STRN3: variants seen among roughly 807,000 people sequenced by gnomAD.
STRN3 encodes striatin-3.
Under a neutral mutation model 95.6 loss-of-function variants are expected in STRN3, and 29 were observed. The observed-to-expected ratio is 0.30, with a 90% CI of 0.23 to 0.41. The LOEUF is 0.41. Among genes scored for constraint, STRN3 ranks in the 10% least tolerant of loss-of-function variants. STRN3 has a pLI of 1.00. For missense variants in STRN3, 890 were observed against 972.1 expected, an observed-to-expected ratio of 0.92 and a Z score of 1.12; for synonymous variants, 331 against 357.6, an observed-to-expected ratio of 0.93 and a Z score of 0.84.
intron 1 of STRN3, among the ~76,000 whole-genome samples, chr14:31,012,079 C>G (rs930192991): frequency 6.6e-6 from 1 of 152,094 alleles, no homozygotes; most frequent in Non-Finnish European, 1.5e-5. Flanking sequence ...GAGACTCTGT[C>G]TCAAAAAAAA....
chr14:30,932,297 C>T (rs1878580637), intron 7 of STRN3: 1 of 152,012 alleles, frequency 6.6e-6, no homozygotes, highest in African/African-American at 2.4e-5. Context: ...CTGAAAGCTA[C>T]CACTTTCCTA....
intron 1 of STRN3, among the ~76,000 whole-genome samples, chr14:30,975,836 TAAAAAAA>T (rs528570710): frequency 1.8e-5 from 2 of 113,124 alleles, no homozygotes; most frequent in African/African-American, 3.4e-5. Context: ...CCTGGCTCTT[TAAAAAAA>T]AAAAAAAAAA....
In STRN3 at chr14:30,911,796, A is replaced by T; in HGVS notation, c.1579T>A (p.Tyr527Asn). The T allele has an allele frequency of 6.2e-7, 1 of 1,609,322 alleles. No homozygotes were observed. Among genetic ancestry groups the T allele is most frequent in the Non-Finnish European group, 8.5e-7 (1 of 1,178,554 alleles). Residue 527 changes from tyrosine (Y) to asparagine (N), a missense_variant, in exon 12 of 18, where the codon TAC (tyrosine) becomes AAC (asparagine). By Grantham distance (143) the Tyr-to-Asn change is moderately radical (BLOSUM62 -2). Transcript: ENST00000357479. The stretch of plus-strand genomic sequence containing the variant: ...ACTTACATGTGGGCCCTAAATGTGT[A>T]GATAGGCTCTACATCTAAAGAGGCA... Reference protein sequence around the residue: ...KSASLDVEPIYTFRAHIGPVL... With the variant: ...KSASLDVEPINTFRAHIGPVL...
Position 30,898,175 on chromosome 14 carries a change from T to C in STRN3, c.2138-2427A>G, listed in dbSNP as rs1896208181. Reference sequence around the variant, plus strand: ...AATTTTTTGTAGAGACAGAATCCCGTATTGTTGCCTAGGCTGGTCTCAAAC... The same window carrying C: ...AATTTTTTGTAGAGACAGAATCCCGCATTGTTGCCTAGGCTGGTCTCAAAC... On this transcript the variant is annotated intron_variant, in intron 16 of 17. Transcript: ENST00000357479. Among the ~76,000 whole-genome samples, 4 of 152,098 alleles carry C rather than the reference T, an allele frequency of 2.6e-5. No homozygotes were observed. The South Asian group carries it at 8.3e-4, about 32-fold the overall frequency.
intron 1 of STRN3, among the ~76,000 whole-genome samples, chr14:30,979,468 T>C (rs566230964): frequency 6.6e-6 from 1 of 152,344 alleles, no homozygotes; most frequent in Non-Finnish European, 1.5e-5. Context: ...AAATTAATTT[T>C]TATAAACTTG....
intron 8 of STRN3, among the ~76,000 whole-genome samples, chr14:30,920,606 AAAG>A (rs1188324723): frequency 6.6e-6 from 1 of 152,196 alleles, no homozygotes; most frequent in Admixed American, 6.5e-5. Flanking sequence ...TGGTTTTAAA[AAAG>A]AATCTCCCTT....
chr14:30,987,671 G>T (rs1881760660), intron 1 of STRN3, among the ~76,000 whole-genome samples: 1 of 151,726 alleles, frequency 6.6e-6, no homozygotes, highest in Admixed American at 6.6e-5. Context: ...TTGCATTCCA[G>T]AAAGATTATT....
At chr14:30,980,724 AAC>A (rs1456133889) in intron 1 of STRN3, among the ~76,000 whole-genome samples, 4 of 152,114 alleles carry the variant, frequency 2.6e-5, no homozygotes, top group African/African-American at 9.7e-5. Context: ...TTTCTTAAAA[AAC>A]AGTATCTTGC....
At chr14:30,984,132 C>T (rs1881546820) in intron 1 of STRN3, among the ~76,000 whole-genome samples, 1 of 113,454 alleles carries the variant, frequency 8.8e-6, no homozygotes, top group Non-Finnish European at 1.9e-5. Context: ...TCCCCGCCCC[C>T]CCCAACCCCC....
intron 1 of STRN3, among the ~76,000 whole-genome samples, chr14:30,967,009 ACAGG>A (rs1880548216): frequency 6.6e-6 from 1 of 151,536 alleles, no homozygotes; most frequent in Non-Finnish European, 1.5e-5. Context: ...GCCTTCCGGG[ACAGG>A]CAAGGTGAGA....
At position 31,015,231 on chromosome 14, in the gene STRN3, C is replaced by T. The variant is rs191766060; in HGVS notation, c.282+10673G>A. Among the ~76,000 whole-genome samples, 544 of 152,314 alleles carry T rather than the reference C, an allele frequency of 3.6e-3. 2 individuals carry two copies. Among genetic ancestry groups the T allele is most frequent in the Middle Eastern group, 0.02 (6 of 294 alleles). On this transcript the variant is annotated intron_variant, in intron 1 of 17. Coordinates refer to ENST00000357479, the MANE Select transcript of STRN3 (RefSeq NM_001083893.2). Reference sequence around the variant, plus strand: ...AGGCTGCTTCAGAATTTGACACAAACCATGCCACTGGTTTCCACAGGTATG... The same window carrying T: ...AGGCTGCTTCAGAATTTGACACAAATCATGCCACTGGTTTCCACAGGTATG...
chr14:30,964,870 G>C (rs1222670035), intron 1 of STRN3, among the ~76,000 whole-genome samples: 1 of 151,038 alleles, frequency 6.6e-6, no homozygotes, highest in East Asian at 1.9e-4. Context: ...AGTGAGCCGA[G>C]ATAGCACCAC....
chr14:31,013,885 T>G, intron 1 of STRN3, among the ~76,000 whole-genome samples: 1 of 109,770 alleles, frequency 9.1e-6, no homozygotes, highest in Middle Eastern at 5.6e-3. Flanking sequence ...ATTATTATTA[T>G]TATTATTATT....
intron 3 of STRN3, among the ~76,000 whole-genome samples, chr14:30,954,010 C>T (rs1879781186): frequency 6.6e-6 from 1 of 152,124 alleles, no homozygotes; most frequent in African/African-American, 2.4e-5. Flanking sequence ...AATCCTAACA[C>T]CAATGTCGAC....
intron 8 of STRN3, among the ~76,000 whole-genome samples, chr14:30,922,398 C>A (rs753991985): frequency 3.9e-5 from 6 of 152,178 alleles, no homozygotes; most frequent in Non-Finnish European, 8.8e-5. Context: ...TATATAAATG[C>A]ATAATCCTCT....
intron 1 of STRN3, among the ~76,000 whole-genome samples, chr14:31,009,683 AAACT>A (rs1262850346): frequency 4.6e-5 from 7 of 152,092 alleles, no homozygotes; most frequent in East Asian, 3.9e-4. Context: ...AAAATATTAA[AAACT>A]AATATAAAAA....
At chr14:30,982,341 T>C (rs1371274013) in intron 1 of STRN3, among the ~76,000 whole-genome samples, 1 of 152,180 alleles carries the variant, frequency 6.6e-6, no homozygotes, top group Non-Finnish European at 1.5e-5. Context: ...AGAGTCTCAC[T>C]CTGTTGCCTA....
At chr14:30,988,358 T>C (rs1313966370) in intron 1 of STRN3, among the ~76,000 whole-genome samples, 1 of 152,202 alleles carries the variant, frequency 6.6e-6, no homozygotes, top group African/African-American at 2.4e-5. Flanking sequence ...GTATTAACTT[T>C]TCTAAGCTTA....
intron 13 of STRN3, among the ~76,000 whole-genome samples, chr14:30,909,979 T>C (rs1379457721): frequency 6.6e-6 from 1 of 152,192 alleles, no homozygotes; most frequent in Admixed American, 6.5e-5. Flanking sequence ...CACTCTAATC[T>C]TGGCAATGTC....
Sources: allele counts gnomAD v4.1 joint callset (sites outside exome capture counted in the v4.1 genomes callset), GRCh38; gene constraint gnomAD v4.1.1; transcripts MANE v1.5; gene names NCBI Gene and HGNC (gene_info 2026-07-23, HGNC 2026-07-21).